CYFIP1: variants seen among roughly 807,000 people sequenced by gnomAD.
CYFIP1 encodes the protein cytoplasmic FMR1-interacting protein 1.
CYFIP1 carries 58 observed loss-of-function variants against 163.5 expected under a neutral mutation model. The observed-to-expected ratio is 0.35, with a 90% confidence interval of 0.29 to 0.44. CYFIP1 has a LOEUF of 0.44. CYFIP1 is among the 20% of genes least tolerant of loss of function. The probability of loss-of-function intolerance (pLI) is 1.00; values close to 1 mark genes in which losing one functional copy is unlikely to be tolerated. For synonymous variants in CYFIP1, 663 were observed against 660.7 expected, an observed-to-expected ratio of 1.00 and a Z score of -0.05; for missense variants, 1,338 against 1,653.8, an observed-to-expected ratio of 0.81 and a Z score of 3.31.
At chr15:22,889,324 C>A (rs1177407824) in intron 23 of CYFIP1, among the ~76,000 whole-genome samples, 1 of 152,218 alleles carries the variant, frequency 6.6e-6, no homozygotes, top group Non-Finnish European at 1.5e-5. Flanking sequence ...GCAGGGTGCT[C>A]TGGCAGTGTA....
At chr15:22,892,404 C>T (rs1002215359) in intron 23 of CYFIP1, among the ~76,000 whole-genome samples, 2 of 152,198 alleles carry the variant, frequency 1.3e-5, no homozygotes, top group African/African-American at 4.8e-5. Context: ...GGTTTCCACC[C>T]TCCAGGCACA....
chr15:22,942,430 A>G (rs1016518066), intron 6 of CYFIP1, among the ~76,000 whole-genome samples: 1 of 152,182 alleles, frequency 6.6e-6, no homozygotes, highest in Non-Finnish European at 1.5e-5. Context: ...ATCAGGAGAC[A>G]GCGTGCCAAG....
chr15:22,934,884 A>G (rs1012663786), intron 9 of CYFIP1, among the ~76,000 whole-genome samples: 6 of 152,252 alleles, frequency 3.9e-5, no homozygotes, highest in Admixed American at 2.0e-4. Flanking sequence ...AAAATGCATC[A>G]GTAAATCTAA....
At chr15:22,910,466 C>A in intron 20 of CYFIP1, 54 bp downstream of exon 20, 1 of 1,487,878 alleles carries the variant, frequency 6.7e-7, no homozygotes, top group Non-Finnish European at 9.4e-7. Flanking sequence ...AGCCGAAAAC[C>A]CAGTCTTTTC....
intron 22 of CYFIP1, among the ~76,000 whole-genome samples, chr15:22,899,842 A>G (rs956630862): frequency 4.6e-5 from 7 of 152,068 alleles, no homozygotes; most frequent in African/African-American, 1.7e-4. Flanking sequence ...GAGGTTGGGA[A>G]TTCAAGACCA....
In CYFIP1 at chr15:22,914,735, G is replaced by C; in HGVS notation, c.1976C>G (p.Ser659Trp). 1 of 1,610,978 alleles carries C rather than the reference G, an allele frequency of 6.2e-7. No homozygotes were observed. Among genetic ancestry groups the C allele is most frequent in the Non-Finnish European group, 8.5e-7 (1 of 1,178,504 alleles). Residue 659 changes from serine to tryptophan, a missense_variant, in exon 17 of 31, where the codon TCG becomes TGG. Around this residue, in one of 4 missense-constraint regions of CYFIP1, gnomAD observed 824 missense variants for 995.7 expected, o/e 0.83. Transcript: ENST00000617928. ...CCCGCAGGACACGCACTCCATCATC[G>C]ATGCCTCCTTGGTCTCCAGGATGTG... ...TDHILETKEA[S>W]MMEYVLYSLD...
intron 4 of CYFIP1, 39 bp from the exon 5 acceptor site, chr15:22,944,698 A>AT (rs1176779292): frequency 9.5e-6 from 15 of 1,586,590 alleles, no homozygotes; most frequent in Non-Finnish European, 1.3e-5. Context: ...AGAGGCTTTG[A>AT]TCCAGCCAGA....
At chr15:22,889,576 A>T (rs1483823646) in intron 23 of CYFIP1, among the ~76,000 whole-genome samples, 1 of 152,082 alleles carries the variant, frequency 6.6e-6, no homozygotes, top group Non-Finnish European at 1.5e-5. Context: ...CCCTTCCAGG[A>T]CTCGATCCAT....
chr15:22,879,414 A>G (rs917541938), intron 26 of CYFIP1, among the ~76,000 whole-genome samples: 1 of 152,174 alleles, frequency 6.6e-6, no homozygotes, highest in Non-Finnish European at 1.5e-5. Flanking sequence ...CCACGTCCTA[A>G]GAGGGGGTGG....
At chr15:22,879,854 C>CGGTGGGGTGG in intron 26 of CYFIP1, 59 bp downstream of exon 26, 3 of 1,119,844 alleles carry the variant, frequency 2.7e-6, no homozygotes, top group Non-Finnish European at 2.4e-6. Context: ...CTCCCCTGGC[C>CGGTGGGGTGG]GGTGGGGTGG....
At chr15:22,885,917 T>G (rs1015268754) in intron 23 of CYFIP1, among the ~76,000 whole-genome samples, 2 of 152,160 alleles carry the variant, frequency 1.3e-5, no homozygotes, top group Admixed American at 6.5e-5. Context: ...CAGTACCAAT[T>G]TACTGTATTA....
chr15:22,970,454 T>C (rs759307522), intron 1 of CYFIP1, among the ~76,000 whole-genome samples: 12 of 152,198 alleles, frequency 7.9e-5, no homozygotes, highest in African/African-American at 1.4e-4. Context: ...TTAAAATTCA[T>C]AGGAATCTCC....
intron 22 of CYFIP1, among the ~76,000 whole-genome samples, chr15:22,894,856 A>T (rs1452530043): frequency 1.5e-5 from 2 of 133,036 alleles, no homozygotes; most frequent in Non-Finnish European, 3.2e-5. Flanking sequence ...TGTATATATT[A>T]TATATTTTAT....
chr15:22,914,361 A>T (rs1426073708), intron 17 of CYFIP1, among the ~76,000 whole-genome samples: 1 of 151,970 alleles, frequency 6.6e-6, no homozygotes, highest in Non-Finnish European at 1.5e-5. Context: ...CCAGTCTGAC[A>T]CCAAGAAACT....
At chr15:22,876,047 C>T (rs533146427) in intron 26 of CYFIP1, among the ~76,000 whole-genome samples, 15 of 151,442 alleles carry the variant, frequency 9.9e-5, no homozygotes, top group East Asian at 7.8e-4. Context: ...GACCACAGTG[C>T]GCTCACCACC....
chr15:22,893,120 C>T (rs567571857), intron 22 of CYFIP1, 143 bp from the exon 23 acceptor site: 174 of 641,718 alleles, frequency 2.7e-4, no homozygotes, highest in Non-Finnish European at 4.3e-4. Context: ...TCTAGTGAAT[C>T]GAAAACCATA....
chr15:22,953,980 C>T (rs573119879), intron 1 of CYFIP1, among the ~76,000 whole-genome samples: 2 of 152,218 alleles, frequency 1.3e-5, no homozygotes, highest in Admixed American at 6.5e-5. Context: ...GGCGTGAACC[C>T]GGGAGGCGGA....
intron 22 of CYFIP1, among the ~76,000 whole-genome samples, chr15:22,900,065 C>T (rs966674113): frequency 3.3e-5 from 5 of 152,258 alleles, no homozygotes; most frequent in Middle Eastern, 3.4e-3. Context: ...TCAATCCTCA[C>T]TCCTAGTACC....
At chr15:22,916,430 G>T in intron 16 of CYFIP1, 47 bp downstream of exon 16, 2 of 1,385,184 alleles carry the variant, frequency 1.4e-6, no homozygotes, top group Non-Finnish European at 2.0e-6. Context: ...CGGTGTTAGT[G>T]GTGTTAGGAC....
Sources: allele counts gnomAD v4.1 joint callset (sites outside exome capture counted in the v4.1 genomes callset), GRCh38; gene constraint gnomAD v4.1.1; regional missense constraint gnomAD v4.1.1; transcripts MANE v1.5; gene names NCBI Gene and HGNC (gene_info 2026-07-23, HGNC 2026-07-21).